DOCK8: variants seen among roughly 807,000 people sequenced by gnomAD.
DOCK8 encodes dedicator of cytokinesis protein 8.
In DOCK8, 141 loss-of-function variants were observed where a neutral mutation model predicts 245.6. The observed-to-expected ratio is 0.57, with a 90% CI of 0.50 to 0.66. DOCK8 has a LOEUF of 0.66. DOCK8 is among the 30% of genes least tolerant of loss of function. The probability of loss-of-function intolerance (pLI) is 0.00; values close to 1 mark genes in which losing one functional copy is unlikely to be tolerated. For synonymous variants in DOCK8, 1,168 were observed against 970.2 expected (o/e 1.20, Z -3.79); for missense variants, 2,965 against 2,603.4 (o/e 1.14, Z -3.02).
intron 45 of DOCK8, among the ~76,000 whole-genome samples, chr9:451,164 T>G (rs1454624703): frequency 2.7e-5 from 4 of 150,122 alleles, no homozygotes; most frequent in Non-Finnish European, 5.9e-5. Context: ...AATACAAAAA[T>G]TAGCCAGTGT....
At chr9:222,642 T>C (rs1289193222) in intron 1 of DOCK8, among the ~76,000 whole-genome samples, 2 of 152,226 alleles carry the variant, frequency 1.3e-5, no homozygotes, top group African/African-American at 2.4e-5. Context: ...CTGAAGTCAT[T>C]CTTTAGGGAT....
upstream of DOCK8, among the ~76,000 whole-genome samples, chr9:212,454 C>T (rs942516632): frequency 3.3e-5 from 5 of 152,188 alleles, no homozygotes; most frequent in African/African-American, 9.7e-5. Context: ...TCCCAGAGTT[C>T]TCTCTGGACA....
At chr9:388,082 A>G (rs188127833) in intron 23 of DOCK8, among the ~76,000 whole-genome samples, 2 of 152,290 alleles carry the variant, frequency 1.3e-5, no homozygotes, top group East Asian at 3.9e-4. Flanking sequence ...ATCCTTGTCT[A>G]ATCTCTTCTT....
At chr9:361,180 C>A (rs1000751576) in intron 14 of DOCK8, among the ~76,000 whole-genome samples, 4 of 151,934 alleles carry the variant, frequency 2.6e-5, no homozygotes, top group African/African-American at 9.7e-5. Flanking sequence ...AAAAAAGAGG[C>A]TGTGACAGAG....
intron 5 of DOCK8, among the ~76,000 whole-genome samples, chr9:304,913 A>G (rs1361231932): frequency 6.8e-6 from 1 of 147,660 alleles, no homozygotes; most frequent in African/African-American, 2.4e-5. Context: ...CCCAATGATT[A>G]AAATAGAAAA....
chr9:377,579 G>C (rs1255540313), intron 20 of DOCK8, among the ~76,000 whole-genome samples: 1 of 152,164 alleles, frequency 6.6e-6, no homozygotes, highest in Non-Finnish European at 1.5e-5. Flanking sequence ...GTGTTAAATG[G>C]AGGGAAGGAA....
chr9:276,763 G>A (rs1041439003), intron 2 of DOCK8, among the ~76,000 whole-genome samples: 6 of 152,164 alleles, frequency 3.9e-5, no homozygotes, highest in African/African-American at 9.7e-5. Context: ...TCTATAATCA[G>A]TACCTCTGTT....
intron 26 of DOCK8, among the ~76,000 whole-genome samples, chr9:403,925 T>G (rs1253128133): frequency 1.3e-5 from 1 of 78,632 alleles, no homozygotes; most frequent in Admixed American, 1.5e-4. Context: ...TACATATATA[T>G]ATATGTGTAT....
At chr9:247,670 A>C (rs2047536930) in intron 1 of DOCK8, among the ~76,000 whole-genome samples, 1 of 151,920 alleles carries the variant, frequency 6.6e-6, no homozygotes, top group African/African-American at 2.4e-5. Flanking sequence ...AGTAGCTGGG[A>C]ATACAGGCAC....
rs2048485665 is a variant in DOCK8 at position 279,445 on chromosome 9, G to C, written c.157-7016G>C. On this transcript the variant is annotated intron_variant, in intron 2 of 47. Coordinates refer to ENST00000432829, the MANE Select transcript of DOCK8 (RefSeq NM_203447.4). ...TGAATGCAGATTGAGAAGAGATTTA[G>C]AATTGAACTCCAGGGCACTGCATAG... Among the ~76,000 whole-genome samples the C allele has an allele frequency of 2.0e-5, 3 of 152,154 alleles. No homozygotes were observed. In the South Asian group the frequency reaches 6.2e-4, roughly 32 times the overall value.
rs566741551 is a variant in DOCK8, at chr9:235,315, G to T, written c.53+20286G>T. On this transcript the variant is annotated intron_variant, in intron 1 of 47. Coordinates refer to ENST00000432829, the MANE Select transcript of DOCK8 (RefSeq NM_203447.4). ...GGTGTCAGTCTGCCCCTACTGGGGGGTGCCTCCCAGTTGGGCTACTCGGGG... is the reference window on the plus strand; with the variant it reads ...GGTGTCAGTCTGCCCCTACTGGGGGTTGCCTCCCAGTTGGGCTACTCGGGG... Among the ~76,000 whole-genome samples the T allele has an allele frequency of 9.1e-3, 1,380 of 152,260 alleles. 25 individuals are homozygous for T. Among genetic ancestry groups the T allele is most frequent in the African/African-American group, 0.032 (1,315 of 41,538 alleles).
intron 18 of DOCK8, among the ~76,000 whole-genome samples, chr9:375,809 C>T (rs956710645): frequency 1.3e-5 from 2 of 152,126 alleles, no homozygotes; most frequent in Non-Finnish European, 2.9e-5. Flanking sequence ...CCAGCTTGGG[C>T]AACATGGTGA....
intron 10 of DOCK8, among the ~76,000 whole-genome samples, chr9:333,834 A>G (rs1222013855): frequency 6.6e-6 from 1 of 152,166 alleles, no homozygotes; most frequent in Non-Finnish European, 1.5e-5. Context: ...TTGGAGAAAC[A>G]GGTTCACTTG....
intron 18 of DOCK8, among the ~76,000 whole-genome samples, chr9:373,260 C>G (rs996030032): frequency 1.8e-4 from 27 of 152,314 alleles, no homozygotes; most frequent in African/African-American, 6.3e-4. Context: ...TTCTCAGTTC[C>G]TTGCATAGGT....
intron 37 of DOCK8, among the ~76,000 whole-genome samples, chr9:432,964 C>A (rs189435898): frequency 6.6e-6 from 1 of 152,158 alleles, no homozygotes; most frequent in East Asian, 1.9e-4. Context: ...CAGCTCCTAG[C>A]CTGCTCTATG....
intron 1 of DOCK8, among the ~76,000 whole-genome samples, chr9:262,052 A>T (rs554382559): frequency 6.7e-6 from 1 of 149,676 alleles, no homozygotes; most frequent in Non-Finnish European, 1.5e-5. Flanking sequence ...CGATTTACCT[A>T]TGTTACAAAC....
At chr9:316,263 A>G (rs1479113371) in intron 6 of DOCK8, among the ~76,000 whole-genome samples, 1 of 152,236 alleles carries the variant, frequency 6.6e-6, no homozygotes, top group Non-Finnish European at 1.5e-5. Flanking sequence ...TGGAAAGCAT[A>G]CTGCAAGAGT....
chr9:388,654 A>C (rs189727238), intron 23 of DOCK8, among the ~76,000 whole-genome samples: 2 of 151,748 alleles, frequency 1.3e-5, no homozygotes, highest in African/African-American at 4.8e-5. Context: ...TCCCAGGTTT[A>C]AGTGATTCTC....
intron 14 of DOCK8, chr9:366,213 A>T (rs1303642137): frequency 6.5e-6 from 1 of 153,490 alleles, no homozygotes; most frequent in East Asian, 1.9e-4. Flanking sequence ...CACCTCACTG[A>T]TACTTGAAGC....
Sources: gnomAD v4.1 joint callset for allele counts (sites outside exome capture counted in the v4.1 genomes callset) on GRCh38, gnomAD v4.1.1 for gene constraint, MANE v1.5 for transcripts, NCBI Gene and HGNC (gene_info 2026-07-23, HGNC 2026-07-21) for gene names.